WDR90: variants seen among roughly 807,000 people sequenced by gnomAD.
The protein encoded by WDR90 is WD repeat domain 90.
Under a neutral mutation model 195.2 loss-of-function variants are expected in WDR90, and 238 were observed. That is an observed-to-expected ratio of 1.22 (90% confidence interval 1.10 to 1.36). The LOEUF is 1.36. Among genes scored for constraint, WDR90 ranks in the 40% most tolerant of loss-of-function variants. The pLI is 0.00. For synonymous variants in WDR90, 1,265 were observed against 1,052.4 expected (o/e 1.20, Z -3.91); for missense variants, 2,734 against 2,439.5 (o/e 1.12, Z -2.54).
chr16:657,702 C>T (rs2037789944), intron 20 of WDR90, 60 bp from the exon 21 acceptor site: 8 of 1,474,118 alleles, frequency 5.4e-6, no homozygotes, highest in Non-Finnish European at 7.2e-6. Context: ...CTCCTCGGGC[C>T]CTGGCCACGC....
At chr16:654,071 C>T in intron 13 of WDR90, 1 of 505,190 alleles carries the variant, frequency 2.0e-6, no homozygotes, top group Non-Finnish European at 3.5e-6. Flanking sequence ...GCCTCGTTCT[C>T]TCTGCTGGTG....
rs1478784539 is a variant in WDR90, at chr16:656,861, G to A, written c.2332G>A (p.Val778Met). 3 of 1,612,750 alleles carry A rather than the reference G, an allele frequency of 1.9e-6. No individual in the cohort carries two copies. Among genetic ancestry groups the A allele is most frequent in the Non-Finnish European group, 2.5e-6 (3 of 1,179,862 alleles). Residue 778 changes from valine (V) to methionine (M), a missense_variant, in exon 19 of 41, where the codon GTG becomes ATG. Val to Met is a conservative substitution (Grantham distance 21). Transcript: ENST00000293879. The stretch of plus-strand genomic sequence containing the variant: ...CAGCCTGGAGGCCGCTGAGGTCCTG[G>A]TGGAACACACGTAAGTGCCCAGCTG... ...SFSLEAAEVL[V>M]EHTCHRGAVT...
In WDR90 at chr16:651,700, G is replaced by C. The variant is rs753675213; in HGVS notation, c.793G>C (p.Val265Leu). 4.2e-5 allele frequency: 68 copies of C among 1,612,966 alleles called. No individual in the cohort carries two copies. The highest frequency in any genetic ancestry group is 5.3e-5 in the Non-Finnish European group (62 of 1,180,016). Reference sequence around the variant, plus strand: ...TTGCCCGGTGGCCTCCAGCAAACCTGTGCGGTTCAGTGTGTCTCCAGTGGT... The same window carrying C: ...TTGCCCGGTGGCCTCCAGCAAACCTCTGCGGTTCAGTGTGTCTCCAGTGGT... Reference protein sequence around the residue: ...LPCPVASSKPVRFSVSPVVQT... With the variant: ...LPCPVASSKPLRFSVSPVVQT... Residue 265 changes from valine to leucine, a missense_variant, in exon 8 of 41, where the codon GTG becomes CTG. Val to Leu is a conservative substitution (Grantham distance 32). Transcript: ENST00000293879.
At chr16:652,354 C>A (rs2037663993) in intron 9 of WDR90, 113 bp from the exon 10 acceptor site, 16 of 1,252,202 alleles carry the variant, frequency 1.3e-5, no homozygotes, top group Non-Finnish European at 1.8e-5. Flanking sequence ...AGGACCAGGG[C>A]AGTCTTCTTG....
Position 666,325 on chromosome 16 carries a change from C to A in WDR90, c.4715C>A (p.Ser1572Tyr), listed in dbSNP as rs980497586. 1 of 1,612,610 alleles carries A rather than the reference C, an allele frequency of 6.2e-7. No individual in the cohort carries two copies. Among genetic ancestry groups the A allele is most frequent in the African/African-American group, 1.3e-5 (1 of 74,950 alleles). The change falls in exon 37 of 41, where the codon TCT (serine) becomes TAT (tyrosine). Residue 1572 changes from serine to tyrosine, a missense_variant. Physicochemically the swap from Ser to Tyr is moderately radical, Grantham distance 144. Coordinates refer to ENST00000293879, the MANE Select transcript of WDR90 (RefSeq NM_145294.5). Reference protein sequence around the residue: ...VLSDHQGAPISTICVTCKECE... With the variant: ...VLSDHQGAPIYTICVTCKECE... ...AGTGACCACCAGGGCGCCCCAATCT[C>A]TACCATCTGTGTCACGTGCAAAGAG...
chr16:661,983 C>T lies in WDR90; in HGVS notation c.3957C>T (p.Ser1319=), dbSNP rs200652650. The change falls in exon 32 of 41, where the codon AGC becomes AGT. Residue 1319 remains serine, a synonymous_variant. Transcript: ENST00000293879. ...GAPPLLYCGT[S]SGQVCVWDTR... The stretch of plus-strand genomic sequence containing the variant: ...CTCCCCTGCTCTATTGTGGCACCAG[C>T]TCTGGCCAGGTCTGTGTCTGGGACA... 14 of 1,605,728 alleles carry T rather than the reference C, an allele frequency of 8.7e-6. No individual in the cohort carries two copies. In the African/African-American group the frequency reaches 1.5e-4, roughly 17 times the overall value.
At chr16:656,947 C>A in intron 19 of WDR90, 76 bp downstream of exon 19, 1 of 1,565,314 alleles carries the variant, frequency 6.4e-7, no homozygotes, top group Admixed American at 1.8e-5. Flanking sequence ...GGGTCATGTG[C>A]AGGATGGCCA....
chr16:653,895 T>G, intron 13 of WDR90, 92 bp downstream of exon 13: 1 of 1,491,268 alleles, frequency 6.7e-7, no homozygotes, highest in African/African-American at 1.4e-5. Flanking sequence ...TCCAGCTTCA[T>G]GTGACCCTGG....
Position 666,281 on chromosome 16 carries a change from G to C in WDR90, c.4671G>C (p.Gly1557=). ...GLVAVSHPCT[G]TTFRVLSDHQ... ...TGGCTGTGAGCCACCCCTGCACAGG[G>C]ACAACCTTCCGTGTGCTGAGTGACC... Residue 1557 remains glycine (G), a synonymous_variant, in exon 37 of 41, where the codon GGG becomes GGC. Coordinates refer to ENST00000293879, the MANE Select transcript of WDR90 (RefSeq NM_145294.5). 1.2e-6 allele frequency: 2 copies of C among 1,612,752 alleles called. No individual in the cohort carries two copies. Among genetic ancestry groups the C allele is most frequent in the Non-Finnish European group, 1.7e-6 (2 of 1,179,988 alleles).
chr16:659,499 G>A, intron 26 of WDR90, 123 bp downstream of exon 26: 1 of 1,309,666 alleles, frequency 7.6e-7, no homozygotes, highest in Non-Finnish European at 1.1e-6. Context: ...TGCTCATCAG[G>A]TGGAACACAG....
intron 28 of WDR90, 120 bp from the exon 29 acceptor site, chr16:660,931 C>G (rs1454351596): frequency 1.3e-6 from 1 of 785,918 alleles, no homozygotes; most frequent in Non-Finnish European, 1.8e-6. Flanking sequence ...CGATGCTAAC[C>G]CCTTGGCCCC....
At chr16:654,973 A>C in intron 13 of WDR90, 56 bp from the exon 14 acceptor site, 1 of 1,561,342 alleles carries the variant, frequency 6.4e-7, no homozygotes, top group African/African-American at 1.4e-5. Flanking sequence ...GGCCTTGCAG[A>C]ATCGAGGTGG....
At position 666,330 on chromosome 16, in the gene WDR90, A is replaced by G. The variant is rs1345691067; in HGVS notation, c.4720A>G (p.Ile1574Val). Residue 1574 changes from isoleucine to valine, a missense_variant, in exon 37 of 41, where the codon ATC (isoleucine) becomes GTC (valine). Coordinates refer to ENST00000293879, the MANE Select transcript of WDR90 (RefSeq NM_145294.5). The stretch of plus-strand genomic sequence containing the variant: ...CCACCAGGGCGCCCCAATCTCTACC[A>G]TCTGTGTCACGTGCAAAGAGGTAAA... ...SDHQGAPIST[I>V]CVTCKECEDL... 3.1e-6 allele frequency: 5 copies of G among 1,612,514 alleles called. No homozygotes were observed. Among genetic ancestry groups the G allele is most frequent in the Non-Finnish European group, 4.2e-6 (5 of 1,179,974 alleles).
Position 657,078 on chromosome 16 carries a change from G to C in WDR90, c.2343-13G>C, listed in dbSNP as rs969491606. ...CGGGGCTAGGGCCAGCGGGGTCCCT[G>C]TGTGTGCTGCAGGTGCCACCGAGGA... On this transcript the variant is annotated splice_polypyrimidine_tract_variant and intron_variant, in intron 19 of 40. Coordinates refer to ENST00000293879, the MANE Select transcript of WDR90 (RefSeq NM_145294.5). 2 of 1,596,830 alleles carry C rather than the reference G, an allele frequency of 1.3e-6. No individual in the cohort carries two copies. Among genetic ancestry groups the C allele is most frequent in the Admixed American group, 1.7e-5 (1 of 58,540 alleles).
At position 653,782 on chromosome 16, in the gene WDR90, C is replaced by G. The variant is rs749981192; in HGVS notation, c.1416C>G (p.Gly472=). Residue 472 remains glycine (G), a synonymous_variant, in exon 13 of 41, where the codon GGC becomes GGG. Transcript: ENST00000293879. ...GCGGGGCCCTTCTCTGCGGGGTTGG[C>G]AAGGACCACCACGGGAGGACGGTAA... ...SDSGALLCGV[G]KDHHGRTMVV... 1.9e-6 allele frequency: 3 copies of G among 1,613,124 alleles called. No homozygotes were observed. The highest frequency in any genetic ancestry group is 1.7e-6 in the Non-Finnish European group (2 of 1,180,000).
chr16:649,242 C>T, upstream of WDR90: 1 of 679,548 alleles, frequency 1.5e-6, no homozygotes, highest in East Asian at 3.5e-5. Context: ...CCCTGGAGGC[C>T]GCTGACGTGA....
intron 7 of WDR90, 125 bp from the exon 8 acceptor site, chr16:651,519 C>A: frequency 9.3e-7 from 1 of 1,072,262 alleles, no homozygotes; most frequent in Non-Finnish European, 1.4e-6. Context: ...AGTGGGGATA[C>A]TGGCTGTGGG....
At position 667,804 on chromosome 16, in the gene WDR90, T is replaced by C; in HGVS notation, c.*215T>C. 1.4e-6 allele frequency: 1 copy of C among 695,586 alleles called. No individual in the cohort carries two copies. The highest frequency in any genetic ancestry group is 2.5e-6 in the Non-Finnish European group (1 of 395,718). The allele number at this position is 695,586 out of a possible 1,614,324, so 43.1% of individuals were successfully genotyped here. A position where few individuals can be genotyped will look rare whatever the true frequency, so the allele number is the denominator to read the frequency against. The stretch of plus-strand genomic sequence containing the variant: ...CTAAGAAATCTTTAATGTTTCTATC[T>C]TGTAATAAACATGGGCATTTATTGC... On this transcript the variant is annotated 3_prime_UTR_variant, in exon 41 of 41. Coordinates refer to ENST00000293879, the MANE Select transcript of WDR90 (RefSeq NM_145294.5).
rs1240628689 is a variant in WDR90 at position 652,537 on chromosome 16, T to A, written c.1122+2T>A. On this transcript the variant is annotated splice_donor_variant, in intron 10 of 40. Coordinates refer to ENST00000293879, the MANE Select transcript of WDR90 (RefSeq NM_145294.5). LOFTEE classifies it high-confidence loss of function. The stretch of plus-strand genomic sequence containing the variant: ...TTTGGGGGCCACGGCACCAGACAGG[T>A]GAGGCTCCTGCGGCTGTGTCCAGAG... 6.2e-7 allele frequency: 1 copy of A among 1,606,318 alleles called. No homozygotes were observed. Among genetic ancestry groups the A allele is most frequent in the Middle Eastern group, 1.7e-4 (1 of 6,014 alleles).
Sources: allele counts gnomAD v4.1 joint callset, GRCh38; gene constraint gnomAD v4.1.1; transcripts MANE v1.5; gene names NCBI Gene and HGNC (gene_info 2026-07-23, HGNC 2026-07-21).